The following SLC25A48 variants were observed in gnomAD, a reference collection of about 807,000 sequenced individuals.
SLC25A48 encodes the protein solute carrier family 25 member 48.
SLC25A48 carries 29 observed loss-of-function variants against 32.2 expected under a neutral mutation model. That is an observed-to-expected ratio of 0.90 (90% CI 0.67 to 1.23). The LOEUF is 1.23. Among genes scored for constraint, SLC25A48 ranks in the 50% most tolerant of loss-of-function variants. The pLI is 0.00. For missense variants in SLC25A48, 399 were observed against 422.7 expected, an observed-to-expected ratio of 0.94 and a Z score of 0.49; for synonymous variants, 164 against 172.3, an observed-to-expected ratio of 0.95 and a Z score of 0.38.
At chr5:135,871,766 G>C in intron 5 of SLC25A48, 48 bp downstream of exon 5, 1 of 1,601,700 alleles carries the variant, frequency 6.2e-7, no homozygotes, top group Admixed American at 1.7e-5. Flanking sequence ...GGCCACAGCA[G>C]TGGGACAGCT....
At chr5:135,719,566 A>C (rs188427179) in intron 3 of SLC25A48, among the ~76,000 whole-genome samples, 14 of 152,322 alleles carry the variant, frequency 9.2e-5, no homozygotes, top group African/African-American at 3.4e-4. Context: ...ATGCTGCTAC[A>C]TGAAGAGAGA....
intron 3 of SLC25A48, among the ~76,000 whole-genome samples, chr5:135,737,837 C>T (rs1346776367): frequency 1.3e-5 from 2 of 152,200 alleles, no homozygotes; most frequent in East Asian, 3.8e-4. Flanking sequence ...TCTCAACAAA[C>T]CCAGCCTCCT....
At chr5:135,602,598 CT>C (rs5871566) in intron 1 of SLC25A48, among the ~76,000 whole-genome samples, 70,816 of 143,362 alleles carry the variant, frequency 0.49, 17,396 homozygotes, top group African/African-American at 0.61. Context: ...ATGGAGTTTT[CT>C]TTTTTTTTTT....
At chr5:135,872,904 C>T (rs1027745128) in intron 5 of SLC25A48, among the ~76,000 whole-genome samples, 36 of 152,238 alleles carry the variant, frequency 2.4e-4, no homozygotes, top group Admixed American at 7.9e-4. Flanking sequence ...TTCTGGCCCC[C>T]AGGTGCCTGT....
intron 3 of SLC25A48, among the ~76,000 whole-genome samples, chr5:135,794,307 C>T (rs1298694467): frequency 1.3e-5 from 2 of 150,990 alleles, no homozygotes; most frequent in African/African-American, 4.9e-5. Flanking sequence ...TTCCAAATAT[C>T]CAGGGGGTGA....
chr5:135,753,832 A>T (rs1380719434), intron 3 of SLC25A48, among the ~76,000 whole-genome samples: 1 of 151,942 alleles, frequency 6.6e-6, no homozygotes, highest in Non-Finnish European at 1.5e-5. Flanking sequence ...TCTCGAGGAC[A>T]TTATTATGCA....
intron 2 of SLC25A48, among the ~76,000 whole-genome samples, chr5:135,846,542 T>A (rs529139029): frequency 1.6e-4 from 24 of 152,308 alleles, no homozygotes; most frequent in South Asian, 8.3e-4. Flanking sequence ...TTCAGCCACC[T>A]CACCTCTGAC....
At chr5:135,783,488 C>G (rs1324541326) in intron 3 of SLC25A48, among the ~76,000 whole-genome samples, 1 of 110,298 alleles carries the variant, frequency 9.1e-6, no homozygotes, top group Non-Finnish European at 2.3e-5. Flanking sequence ...TTACATACTG[C>G]TGTGATATTC....
At chr5:135,592,886 C>CAGAGAGAA (rs2126877580) in intron 1 of SLC25A48, among the ~76,000 whole-genome samples, 1 of 152,268 alleles carries the variant, frequency 6.6e-6, no homozygotes, top group African/African-American at 2.4e-5. Context: ...CTCTCAGGCC[C>CAGAGAGAA]AGAGAGAAAG....
rs534284205 is a variant in SLC25A48, at chr5:135,765,440, A to G, written c.-520-47083A>G. Among the ~76,000 whole-genome samples the G allele has an allele frequency of 2.4e-4, 36 of 151,072 alleles. 1 individual carries two copies. Among genetic ancestry groups the G allele is most frequent in the African/African-American group, 8.5e-4 (35 of 41,084 alleles). ...TTGTAATATCGAGGGGGGTGATATT[A>G]CTCACCATATCGCAGGGCGTGTACA... On this transcript the variant is annotated intron_variant, in intron 3 of 10. Transcript: ENST00000646290.
chr5:135,718,441 G>A (rs1420930063), intron 3 of SLC25A48, among the ~76,000 whole-genome samples: 1 of 152,144 alleles, frequency 6.6e-6, no homozygotes, highest in East Asian at 1.9e-4. Flanking sequence ...CTCTCTCTTT[G>A]AGGATCACCT....
At chr5:135,670,013 C>A (rs1175406089) in intron 3 of SLC25A48, among the ~76,000 whole-genome samples, 1 of 152,168 alleles carries the variant, frequency 6.6e-6, no homozygotes, top group African/African-American at 2.4e-5. Flanking sequence ...CTTTGCAGAC[C>A]TTCCCGTGAT....
chr5:135,599,392 G>A (rs1420210534), intron 1 of SLC25A48, among the ~76,000 whole-genome samples: 1 of 152,204 alleles, frequency 6.6e-6, no homozygotes, highest in Non-Finnish European at 1.5e-5. Context: ...GCTCCTGTCA[G>A]ATTCTGATAG....
At chr5:135,797,728 G>A (rs1321617218) in intron 3 of SLC25A48, among the ~76,000 whole-genome samples, 6 of 151,504 alleles carry the variant, frequency 4.0e-5, no homozygotes, top group African/African-American at 9.7e-5. Context: ...AACCCCCCCC[G>A]TGATATTGTT....
intron 3 of SLC25A48, among the ~76,000 whole-genome samples, chr5:135,757,803 G>A (rs553989443): frequency 6.7e-6 from 1 of 150,082 alleles, no homozygotes; most frequent in Non-Finnish European, 1.5e-5. Context: ...TGTTAACACA[G>A]TAAGATATTA....
At chr5:135,727,296 CAG>C (rs1755113869) in intron 3 of SLC25A48, among the ~76,000 whole-genome samples, 1 of 151,668 alleles carries the variant, frequency 6.6e-6, no homozygotes, top group Admixed American at 6.6e-5. Context: ...TACACACACA[CAG>C]AGTCTAAATT....
chr5:135,668,204 C>T (rs7707534), intron 3 of SLC25A48, among the ~76,000 whole-genome samples: 4 of 151,980 alleles, frequency 2.6e-5, no homozygotes, highest in East Asian at 1.9e-4. Context: ...CACTAACAAG[C>T]GGCCAGAGAT....
At chr5:135,850,219 G>A (rs1460121311) in intron 2 of SLC25A48, among the ~76,000 whole-genome samples, 1 of 152,192 alleles carries the variant, frequency 6.6e-6, no homozygotes, top group Non-Finnish European at 1.5e-5. Context: ...AGCAAAGCAG[G>A]CTTCTCTGCA....
chr5:135,666,758 A>G (rs990379125), intron 3 of SLC25A48, among the ~76,000 whole-genome samples: 1 of 152,128 alleles, frequency 6.6e-6, no homozygotes, highest in Non-Finnish European at 1.5e-5. Context: ...GAATCTGGGG[A>G]TCATAGTTGC....
Sources: allele counts gnomAD v4.1 joint callset (sites outside exome capture counted in the v4.1 genomes callset), GRCh38; gene constraint gnomAD v4.1.1; transcripts MANE v1.5; gene names NCBI Gene and HGNC (gene_info 2026-07-23, HGNC 2026-07-21).